The following TIGIT variants were observed in gnomAD, a reference collection of about 807,000 sequenced individuals.
TIGIT encodes T cell immunoreceptor with Ig and ITIM domains.
A neutral mutation model predicts 19.6 loss-of-function variants in TIGIT; 11 were observed. The observed-to-expected ratio is 0.56, with a 90% CI of 0.35 to 0.93. The LOEUF is 0.93. Among genes scored for constraint, TIGIT ranks in the 40% least tolerant of loss-of-function variants. The probability of loss-of-function intolerance (pLI) is 0.01; values close to 1 mark genes in which losing one functional copy is unlikely to be tolerated. For synonymous variants in TIGIT, 130 were observed against 125.5 expected (o/e 1.04, Z -0.24); for missense variants, 295 against 303.9 (o/e 0.97, Z 0.22).
At chr3:114,302,420 C>G (rs1240751400) in intron 3 of TIGIT, among the ~76,000 whole-genome samples, 2 of 152,206 alleles carry the variant, frequency 1.3e-5, no homozygotes, top group Non-Finnish European at 2.9e-5. Flanking sequence ...TCAGCCTTCT[C>G]TCTTGTAGTC....
intron 3 of TIGIT, among the ~76,000 whole-genome samples, chr3:114,305,597 C>G (rs910396113): frequency 3.9e-5 from 6 of 152,140 alleles, no homozygotes; most frequent in African/African-American, 1.4e-4. Context: ...CTAGGTCAGT[C>G]ATTACTTCTG....
At chr3:114,303,575 A>ATATATATACACATATATATGTG (rs2078509333) in intron 3 of TIGIT, among the ~76,000 whole-genome samples, 2 of 5,036 alleles carry the variant, frequency 4.0e-4, no homozygotes, top group African/African-American at 6.4e-4. Flanking sequence ...ATATATATGT[A>ATATATATACACATATATATGTG]TATATATATA....
intron 3 of TIGIT, among the ~76,000 whole-genome samples, chr3:114,302,901 T>C (rs1257273472): frequency 6.6e-6 from 1 of 152,240 alleles, no homozygotes; most frequent in African/African-American, 2.4e-5. Flanking sequence ...TGGCAAAATT[T>C]CTCTGTAAAG....
At chr3:114,299,775 T>C (rs768683077) in intron 3 of TIGIT, 72 bp downstream of exon 3, 6 of 986,472 alleles carry the variant, frequency 6.1e-6, no homozygotes, top group East Asian at 2.5e-5. Flanking sequence ...TCAGGTTCTC[T>C]TTCCACCCAG....
In TIGIT at chr3:114,299,654, T is replaced by C; in HGVS notation, c.449T>C (p.Leu150Pro). ...IPLLGAMAATLVVICTAVIVV... is the reference protein window; with the variant it reads ...IPLLGAMAATPVVICTAVIVV... Reference sequence around the variant, plus strand: ...TTGCTTGGAGCCATGGCCGCGACGCTGGTGGTCATCTGCACAGCAGTCATC... The same window carrying C: ...TTGCTTGGAGCCATGGCCGCGACGCCGGTGGTCATCTGCACAGCAGTCATC... Residue 150 changes from leucine to proline, a missense_variant, in exon 3 of 4, where the codon CTG (leucine) becomes CCG (proline). Transcript: ENST00000383671. The C allele has an allele frequency of 6.2e-7, 1 of 1,613,488 alleles. No individual in the cohort carries two copies. Among genetic ancestry groups the C allele is most frequent in the Middle Eastern group, 1.6e-4 (1 of 6,062 alleles).
At chr3:114,307,620 G>A (rs2078543984) in intron 3 of TIGIT, 1 of 436,056 alleles carries the variant, frequency 2.3e-6, no homozygotes, top group African/African-American at 2.0e-5. Flanking sequence ...CAAGAAAATA[G>A]AGAATGGAAA....
At chr3:114,294,676 G>A (rs575106845) in intron 1 of TIGIT, among the ~76,000 whole-genome samples, 35 of 152,280 alleles carry the variant, frequency 2.3e-4, no homozygotes, top group Admixed American at 1.0e-3. Context: ...GTTGCCTTCT[G>A]AACTATCTGA....
rs888175271 is a variant in TIGIT, at chr3:114,309,981, A to G, written c.*1850A>G. ...TGAAATGGGATTCAATTTGAAAAAA[A>G]TTTTTTTAAATAGAACTCACTGAAC... On this transcript the variant is annotated 3_prime_UTR_variant, in exon 4 of 4. Transcript: ENST00000383671. The G allele has an allele frequency of 1.3e-5, 2 of 152,180 alleles. No individual in the cohort carries two copies. Among genetic ancestry groups the G allele is most frequent in the Admixed American group, 1.3e-4 (2 of 15,280 alleles). 9.4% of individuals were successfully genotyped at this position (152,180 alleles called of 1,614,324 possible).
At chr3:114,298,106 T>C (rs888247165) in intron 2 of TIGIT, among the ~76,000 whole-genome samples, 6 of 152,218 alleles carry the variant, frequency 3.9e-5, no homozygotes, top group Non-Finnish European at 7.3e-5. Flanking sequence ...AAAGTCAACC[T>C]GGTTAATAGG....
chr3:114,296,149 C>G (rs551497793), intron 2 of TIGIT: 3 of 362,374 alleles, frequency 8.3e-6, no homozygotes, highest in Non-Finnish European at 1.5e-5. Context: ...AGAAGCACAT[C>G]TTACCTATAT....
intron 1 of TIGIT, 30 bp downstream of exon 1, chr3:114,294,152 G>A (rs2078438690): frequency 1.3e-5 from 20 of 1,527,984 alleles, no homozygotes; most frequent in Non-Finnish European, 1.7e-5. Context: ...AGAGCAGCAG[G>A]GAGGAAAAAC....
At chr3:114,294,839 C>T (rs192636935) in intron 1 of TIGIT, 1 of 152,254 alleles carries the variant, frequency 6.6e-6, no homozygotes, top group East Asian at 1.9e-4. Context: ...TGACAATCAA[C>T]CAAACAGCAA....
rs1349513865 is a variant in TIGIT at position 114,309,528 on chromosome 3, T to C, written c.*1397T>C. The C allele has an allele frequency of 1.3e-5, 2 of 152,232 alleles. No homozygotes were observed. 9.4% of individuals were successfully genotyped at this position (152,232 alleles called of 1,614,324 possible). A position where few individuals can be genotyped will look rare whatever the true frequency, so the allele number is the denominator to read the frequency against. ...CTTAGACTGGGGTTGACAATTGTTT[T>C]AGCAACAAGACAATTCAACTATTTC... On this transcript the variant is annotated 3_prime_UTR_variant, in exon 4 of 4. Transcript: ENST00000383671.
At chr3:114,296,980 C>T (rs1300014701) in intron 2 of TIGIT, among the ~76,000 whole-genome samples, 3 of 150,602 alleles carry the variant, frequency 2.0e-5, no homozygotes, top group South Asian at 2.1e-4. Context: ...CTGCAACTTC[C>T]GCCTCCTGAG....
intron 3 of TIGIT, among the ~76,000 whole-genome samples, chr3:114,302,561 G>A (rs1351484398): frequency 6.6e-6 from 1 of 152,192 alleles, no homozygotes; most frequent in Admixed American, 6.5e-5. Flanking sequence ...TCCCATTGAA[G>A]TAATTACATC....
At chr3:114,300,272 C>T (rs1249082493) in intron 3 of TIGIT, among the ~76,000 whole-genome samples, 7 of 151,856 alleles carry the variant, frequency 4.6e-5, no homozygotes, top group Non-Finnish European at 1.0e-4. Context: ...TCCACCCACT[C>T]GGGAGACTGT....
chr3:114,303,111 TTC>T (rs1411768959), intron 3 of TIGIT, among the ~76,000 whole-genome samples: 5 of 152,270 alleles, frequency 3.3e-5, no homozygotes, highest in South Asian at 4.1e-4. Context: ...TCGTTTTTCT[TTC>T]TATAAATTTT....
chr3:114,297,057 C>T (rs532030762), intron 2 of TIGIT, among the ~76,000 whole-genome samples: 6 of 152,006 alleles, frequency 3.9e-5, no homozygotes, highest in South Asian at 2.1e-4. Context: ...CCACCATGCC[C>T]GGCTAATTTT....
intron 3 of TIGIT, among the ~76,000 whole-genome samples, chr3:114,304,145 A>G (rs1560033893): frequency 6.6e-6 from 1 of 151,412 alleles, no homozygotes; most frequent in African/African-American, 2.4e-5. Context: ...TAGATTCTGG[A>G]TATTAGTCCT....
Sources: gnomAD v4.1 joint callset for allele counts (sites outside exome capture counted in the v4.1 genomes callset) on GRCh38, gnomAD v4.1.1 for gene constraint, MANE v1.5 for transcripts, NCBI Gene and HGNC (gene_info 2026-07-23, HGNC 2026-07-21) for gene names.